The following SPATA13 variants were observed in gnomAD, a reference collection of about 807,000 sequenced individuals.
SPATA13 encodes the protein spermatogenesis-associated protein 13.
In SPATA13, 50 loss-of-function variants were observed where a neutral mutation model predicts 104.0. That is an observed-to-expected ratio of 0.48 (90% CI 0.38 to 0.61). SPATA13 has a LOEUF of 0.61. SPATA13 is among the 20% of genes least tolerant of loss of function. The probability of loss-of-function intolerance (pLI) is 0.00; values close to 1 mark genes in which losing one functional copy is unlikely to be tolerated. For missense variants in SPATA13, 1,524 were observed against 1,690.6 expected, an observed-to-expected ratio of 0.90 and a Z score of 1.73; for synonymous variants, 606 against 667.5, an observed-to-expected ratio of 0.91 and a Z score of 1.42.
At chr13:24,077,879 C>T (rs1324248411) in intron 3 of SPATA13, among the ~76,000 whole-genome samples, 1 of 152,094 alleles carries the variant, frequency 6.6e-6, no homozygotes, top group African/African-American at 2.4e-5. Context: ...GCTCTGGGGC[C>T]CACAACTCTT....
chr13:24,212,415 G>C (rs1235530476), intron 1 of SPATA13, among the ~76,000 whole-genome samples: 1 of 152,096 alleles, frequency 6.6e-6, no homozygotes, highest in Admixed American at 6.5e-5. Flanking sequence ...AGGTAGCTTT[G>C]CCTGCGTTCC....
chr13:24,090,272 G>T (rs1466496226), intron 3 of SPATA13, among the ~76,000 whole-genome samples: 1 of 152,076 alleles, frequency 6.6e-6, no homozygotes. Context: ...TGTGGCCAGG[G>T]TCTTACTCAT....
At chr13:24,302,413 G>T (rs1210821057) in intron 12 of SPATA13, among the ~76,000 whole-genome samples, 185 bp from the exon 13 acceptor site, 2 of 120,288 alleles carry the variant, frequency 1.7e-5, no homozygotes, top group African/African-American at 6.3e-5. Context: ...AGTGATCCAA[G>T]ATCACACCAC....
At chr13:24,019,561 A>G (rs896377813) in intron 3 of SPATA13, among the ~76,000 whole-genome samples, 2 of 152,246 alleles carry the variant, frequency 1.3e-5, no homozygotes, top group East Asian at 1.9e-4. Context: ...TTAATATCAC[A>G]TGCTAAATAG....
At chr13:24,204,284 T>G (rs8002266) in intron 1 of SPATA13, among the ~76,000 whole-genome samples, 77,923 of 151,964 alleles carry the variant, frequency 0.51, 21,724 homozygotes, top group Non-Finnish European at 0.63. Flanking sequence ...ATGAAAAATC[T>G]GAAGAAACAC....
intron 4 of SPATA13, among the ~76,000 whole-genome samples, chr13:24,281,791 A>C (rs908591020): frequency 6.6e-5 from 10 of 152,136 alleles, no homozygotes; most frequent in African/African-American, 2.4e-4. Flanking sequence ...TGGCCTGAGC[A>C]CAGTCTGAGA....
chr13:24,249,648 G>A lies in SPATA13; in HGVS notation c.1825G>A (p.Ala609Thr). 6.2e-7 allele frequency: 1 copy of A among 1,614,192 alleles called. No homozygotes were observed. Among genetic ancestry groups the A allele is most frequent in the Non-Finnish European group, 8.5e-7 (1 of 1,180,004 alleles). The change falls in exon 3 of 13, where the codon GCT (alanine) becomes ACT (threonine). Residue 609 changes from alanine (A) to threonine (T), a missense_variant. By Grantham distance (58) the Ala-to-Thr change is moderately conservative. Transcript: ENST00000382108. ...TTTGTCTATTCCTGAAGACTCGGTTGCTGCAGACCCCCAGAAGGAAGACCG... is the reference window on the plus strand; with the variant it reads ...TTTGTCTATTCCTGAAGACTCGGTTACTGCAGACCCCCAGAAGGAAGACCG... ...RSLSIPEDSV[A>T]ADPQKEDRVD... is the part of the protein sequence containing the mutation.
chr13:24,238,455 C>A (rs1303363659), intron 2 of SPATA13, among the ~76,000 whole-genome samples: 1 of 152,104 alleles, frequency 6.6e-6, no homozygotes, highest in Non-Finnish European at 1.5e-5. Flanking sequence ...CTGCCCCCGG[C>A]CTCTCCTTGA....
chr13:24,269,741 A>ATTTTTTTTTTT (rs71070673), intron 4 of SPATA13, among the ~76,000 whole-genome samples: 1 of 75,910 alleles, frequency 1.3e-5, no homozygotes, highest in East Asian at 4.2e-4. Context: ...GCTAATATAA[A>ATTTTTTTTTTT]TTTTTTTTTT....
intron 2 of SPATA13, 160 bp downstream of exon 2, chr13:24,224,742 T>C (rs1419443285): frequency 8.1e-6 from 6 of 742,476 alleles, no homozygotes; most frequent in Middle Eastern, 2.2e-4. Context: ...CAAGTTGCTG[T>C]TTACCAAGTT....
At chr13:24,252,742 G>A (rs558031487) in intron 4 of SPATA13, 2 of 152,276 alleles carry the variant, frequency 1.3e-5, no homozygotes, top group South Asian at 4.1e-4. Context: ...AACTCTGGCT[G>A]TCTTAAGCAA....
At chr13:24,004,040 C>T (rs1876105617) in intron 2 of SPATA13, among the ~76,000 whole-genome samples, 1 of 152,130 alleles carries the variant, frequency 6.6e-6, no homozygotes, top group African/African-American at 2.4e-5. Flanking sequence ...ACTCTTGTCT[C>T]CTTGCATAGT....
chr13:24,251,763 A>G lies in SPATA13; in HGVS notation c.2065A>G (p.Lys689Glu). 2 of 1,614,164 alleles carry G rather than the reference A, an allele frequency of 1.2e-6. No homozygotes were observed. The highest frequency in any genetic ancestry group is 1.7e-6 in the Non-Finnish European group (2 of 1,180,014). Residue 689 changes from lysine to glutamate, a missense_variant, in exon 4 of 13, where the codon AAG becomes GAG. By Grantham distance (56) the Lys-to-Glu change is moderately conservative (BLOSUM62 1). Coordinates refer to ENST00000382108, the MANE Select transcript of SPATA13 (RefSeq NM_001166271.3). Reference protein sequence around the residue: ...PMPAHQVPPYKAVSARFRPFT... With the variant: ...PMPAHQVPPYEAVSARFRPFT... ...GCCTGCTCACCAGGTGCCACCCTAC[A>G]AGGCTGTGTCGGCCCGGTTCCGGCC...
intron 3 of SPATA13, among the ~76,000 whole-genome samples, chr13:24,052,841 G>GCCCCCCCCGCCCCCCGCCGCCCCCCCGCC (rs1555257406): frequency 1.7e-5 from 1 of 58,966 alleles, no homozygotes; most frequent in African/African-American, 7.1e-5. Context: ...GATCCTCCCC[G>GCCCCCCCCGCCCCCCGCCGCCCCCCCGCC]CCACTGTGCC....
chr13:24,205,441 A>G lies in SPATA13; in HGVS notation c.-111-17378A>G, dbSNP rs1232292175. 6.6e-6 allele frequency among the ~76,000 whole-genome samples: 1 copy of G among 152,330 alleles called. No homozygotes were observed. Among genetic ancestry groups the G allele is most frequent in the African/African-American group, 2.4e-5 (1 of 41,578 alleles). The stretch of plus-strand genomic sequence containing the variant: ...AAACCACTGCTCAAAGAAATCAGAG[A>G]TGCAAATGGAAAAACACTCCATGCT... On this transcript the variant is annotated intron_variant, in intron 1 of 12. Coordinates refer to ENST00000382108, the MANE Select transcript of SPATA13 (RefSeq NM_001166271.3). The surrounding 1 kb of genome is among the most constrained non-coding windows in gnomAD (Gnocchi z 4.1).
intron 3 of SPATA13, among the ~76,000 whole-genome samples, chr13:24,077,582 C>T (rs1019779653): frequency 9.9e-5 from 15 of 151,762 alleles, no homozygotes; most frequent in Admixed American, 5.2e-4. Flanking sequence ...CAAGATACCC[C>T]GTAACAAACA....
chr13:24,050,208 A>G (rs1878293585), intron 3 of SPATA13, among the ~76,000 whole-genome samples: 1 of 152,184 alleles, frequency 6.6e-6, no homozygotes, highest in South Asian at 2.1e-4. Flanking sequence ...AAGTCACAGT[A>G]TTGATAATGG....
intron 3 of SPATA13, among the ~76,000 whole-genome samples, chr13:24,134,680 C>A (rs1881500289): frequency 6.6e-6 from 1 of 152,156 alleles, no homozygotes; most frequent in African/African-American, 2.4e-5. Flanking sequence ...GTAAGAGCAG[C>A]TGGTCGTGAC....
At chr13:24,197,475 A>C (rs972413364) in intron 1 of SPATA13, among the ~76,000 whole-genome samples, 1 of 152,212 alleles carries the variant, frequency 6.6e-6, no homozygotes, top group African/African-American at 2.4e-5. Context: ...GTCTGTCAGG[A>C]AAGGCGTGCT....
Sources: gnomAD v4.1 joint callset for allele counts (sites outside exome capture counted in the v4.1 genomes callset) on GRCh38, gnomAD v4.1.1 for gene constraint, Gnocchi (gnomAD v3.1) non-coding constraint, MANE v1.5 for transcripts, NCBI Gene and HGNC (gene_info 2026-07-23, HGNC 2026-07-21) for gene names.